Variants in BRK1 observed in about 807,000 individuals in gnomAD.
BRK1 encodes the protein protein BRICK1.
Under a neutral mutation model 9.9 loss-of-function variants are expected in BRK1, and 6 were observed. That is an observed-to-expected ratio of 0.60 (90% CI 0.33 to 1.19). The LOEUF (loss-of-function observed/expected upper bound fraction) is 1.19, where lower values mean the gene tolerates loss of function less well. Ranked by LOEUF, BRK1 falls within the 50% of genes most tolerant of loss-of-function variation. The pLI is 0.04. For synonymous variants in BRK1, 44 were observed against 31.9 expected (o/e 1.38, Z -1.28); for missense variants, 62 against 97.5 (o/e 0.64, Z 1.53).
At chr3:10,121,833 G>A (rs973659776) in intron 1 of BRK1, among the ~76,000 whole-genome samples, 11 of 149,470 alleles carry the variant, frequency 7.4e-5, no homozygotes, top group South Asian at 4.2e-4. Flanking sequence ...CACCCACCTC[G>A]GCTTCCCAAA....
chr3:10,125,816 C>A (rs796089433), intron 2 of BRK1, 108 bp downstream of exon 2: 1 of 771,036 alleles, frequency 1.3e-6, no homozygotes, highest in Non-Finnish European at 2.1e-6. Context: ...ACTGGCCGGA[C>A]ATGGTGGCTC....
chr3:10,126,492 C>T lies in BRK1; in HGVS notation c.*197C>T, dbSNP rs1359749516. The T allele has an allele frequency of 1.6e-5, 8 of 484,858 alleles. No individual in the cohort carries two copies. Among genetic ancestry groups the T allele is most frequent in the Non-Finnish European group, 2.6e-5 (7 of 272,928 alleles). The allele number at this position is 484,858 out of a possible 1,614,324, so 30.0% of individuals were successfully genotyped here. A position where few individuals can be genotyped will look rare whatever the true frequency, so the allele number is the denominator to read the frequency against. ...GTATGTGGGAAGAAGTTCAGAGGAA[C>T]CGTTGGAAACGACGTTAGGCATTTT... On this transcript the variant is annotated 3_prime_UTR_variant, in exon 3 of 3. Transcript: ENST00000530758.
intron 1 of BRK1, among the ~76,000 whole-genome samples, chr3:10,124,458 C>CAAAA (rs200771502): frequency 1.4e-5 from 2 of 142,066 alleles, no homozygotes; most frequent in African/African-American, 5.2e-5. Context: ...GACTCCATCT[C>CAAAA]AAAAAAAAAA....
At chr3:10,121,391 ATAG>A (rs1452630549) in intron 1 of BRK1, among the ~76,000 whole-genome samples, 1 of 152,186 alleles carries the variant, frequency 6.6e-6, no homozygotes, top group Non-Finnish European at 1.5e-5. Flanking sequence ...CAGAAAGATG[ATAG>A]TAGTGTGCAT....
At chr3:10,122,702 CAG>C (rs1421045162) in intron 1 of BRK1, among the ~76,000 whole-genome samples, 1 of 151,972 alleles carries the variant, frequency 6.6e-6, no homozygotes. Context: ...GCCTGGGTGA[CAG>C]AGCAAGACCA....
chr3:10,116,216 C>T (rs1411936745), intron 1 of BRK1, among the ~76,000 whole-genome samples: 1 of 152,212 alleles, frequency 6.6e-6, no homozygotes, highest in African/African-American at 2.4e-5. Context: ...TCCTCTGTTT[C>T]AAGACTGTTG....
intron 1 of BRK1, among the ~76,000 whole-genome samples, chr3:10,116,555 TCTTC>T (rs1695686766): frequency 6.6e-6 from 1 of 152,154 alleles, no homozygotes. Context: ...AGCCTTAAAT[TCTTC>T]CTTATGAACA....
chr3:10,127,083 T>G lies in BRK1; in HGVS notation c.*788T>G, dbSNP rs1344470167. The G allele has an allele frequency of 6.6e-6, 1 of 152,450 alleles. No individual in the cohort carries two copies. The highest frequency in any genetic ancestry group is 1.5e-5 in the Non-Finnish European group (1 of 68,046). The allele number at this position is 152,450 out of a possible 1,614,324, so 9.4% of individuals were successfully genotyped here. On this transcript the variant is annotated 3_prime_UTR_variant, in exon 3 of 3. Transcript: ENST00000530758. ...AGCCCAAGTCCCCATGTTTGGACTT[T>G]CAGCTGACTAGCTCATCTTGGGAAT...
At chr3:10,122,930 C>T (rs762049518) in intron 1 of BRK1, among the ~76,000 whole-genome samples, 8 of 152,124 alleles carry the variant, frequency 5.3e-5, no homozygotes, top group Non-Finnish European at 1.0e-4. Context: ...GATGCTGAAG[C>T]GCTTTTGCAA....
chr3:10,122,349 G>GTAAAATCTTT (rs1695769482), intron 1 of BRK1, among the ~76,000 whole-genome samples: 1 of 152,080 alleles, frequency 6.6e-6, no homozygotes, highest in South Asian at 2.1e-4. Context: ...ATTCTTATTT[G>GTAAAATCTTT]TAAAATCTTT....
rs560711544 is a variant in BRK1 at position 10,118,800 on chromosome 3, A to G, written c.118+2981A>G. On this transcript the variant is annotated intron_variant, in intron 1 of 2. Coordinates refer to ENST00000530758, the MANE Select transcript of BRK1 (RefSeq NM_018462.5). ...ACTGTGCCTGGCCATAAGTGGATTT[A>G]TTGCGATAAAAGTTATACAGTATGC... Among the ~76,000 whole-genome samples the G allele has an allele frequency of 1.2e-4, 19 of 152,032 alleles. 1 individual carries two copies. The highest frequency in any genetic ancestry group is 3.6e-4 in the African/African-American group (15 of 41,492).
At chr3:10,121,013 T>C (rs1019346750) in intron 1 of BRK1, among the ~76,000 whole-genome samples, 1 of 152,160 alleles carries the variant, frequency 6.6e-6, no homozygotes, top group Non-Finnish European at 1.5e-5. Flanking sequence ...TGTTGGGCAG[T>C]TCCGACAGAA....
chr3:10,125,194 C>T (rs1033331061), intron 1 of BRK1, among the ~76,000 whole-genome samples: 1 of 151,630 alleles, frequency 6.6e-6, no homozygotes, highest in African/African-American at 2.4e-5. Flanking sequence ...CCTTTGCCCC[C>T]CCCGGTTCAA....
At chr3:10,124,562 G>T (rs1695811147) in intron 1 of BRK1, among the ~76,000 whole-genome samples, 1 of 151,776 alleles carries the variant, frequency 6.6e-6, no homozygotes, top group African/African-American at 2.4e-5. Flanking sequence ...CTGGTCACTG[G>T]GCTAGCAATC....
rs778200865 is a variant in BRK1, at chr3:10,115,706, C to A, written c.5C>A (p.Ala2Glu). ...GCTCTTCCTCAGGCGGCGGCCATGGCGGGACAGGAGGATCCGGTGCAGCGG... is the reference window on the plus strand; with the variant it reads ...GCTCTTCCTCAGGCGGCGGCCATGGAGGGACAGGAGGATCCGGTGCAGCGG... MAGQEDPVQREI... is the reference protein window; with the variant it reads MEGQEDPVQREI... Residue 2 changes from alanine (A) to glutamate (E), a missense_variant, in exon 1 of 3, where the codon GCG becomes GAG. Ala to Glu is a moderately radical substitution (Grantham distance 107). Coordinates refer to ENST00000530758, the MANE Select transcript of BRK1 (RefSeq NM_018462.5). The A allele has an allele frequency of 1.9e-6, 3 of 1,613,488 alleles. No individual in the cohort carries two copies. The highest frequency in any genetic ancestry group is 2.5e-6 in the Non-Finnish European group (3 of 1,179,494).
At chr3:10,118,944 T>C (rs895530831) in intron 1 of BRK1, among the ~76,000 whole-genome samples, 3 of 152,220 alleles carry the variant, frequency 2.0e-5, no homozygotes, top group Non-Finnish European at 2.9e-5. Context: ...AAGACCTTTA[T>C]GATGATCCAC....
At chr3:10,123,261 G>C (rs1212024029) in intron 1 of BRK1, among the ~76,000 whole-genome samples, 1 of 152,136 alleles carries the variant, frequency 6.6e-6, no homozygotes, top group African/African-American at 2.4e-5. Context: ...AATTTTGGCT[G>C]TTTTCACAGA....
At chr3:10,117,143 G>C (rs149906299) in intron 1 of BRK1, among the ~76,000 whole-genome samples, 1 of 152,090 alleles carries the variant, frequency 6.6e-6, no homozygotes, top group African/African-American at 2.4e-5. Context: ...CCAGCTACTC[G>C]GGAGGCTGAG....
intron 1 of BRK1, among the ~76,000 whole-genome samples, chr3:10,121,754 CAG>C (rs1443150055): frequency 1.3e-5 from 2 of 150,586 alleles, no homozygotes; most frequent in Non-Finnish European, 2.9e-5. Flanking sequence ...TTTTTTAAGA[CAG>C]AGTTTCACTC....
Sources: allele counts gnomAD v4.1 joint callset (sites outside exome capture counted in the v4.1 genomes callset), GRCh38; gene constraint gnomAD v4.1.1; transcripts MANE v1.5; gene names NCBI Gene and HGNC (gene_info 2026-07-23, HGNC 2026-07-21).